Variants in SCNN1D observed in about 807,000 individuals in gnomAD.
SCNN1D encodes sodium channel epithelial 1 subunit delta, also known as epithelial sodium channel subunit delta.
Under a neutral mutation model 87.8 loss-of-function variants are expected in SCNN1D, and 104 were observed. That is an observed-to-expected ratio of 1.18 (90% CI 1.01 to 1.39). The LOEUF is 1.39. Ranked by LOEUF, SCNN1D falls within the 40% of genes most tolerant of loss-of-function variation. SCNN1D has a pLI of 0.00. For missense variants in SCNN1D, 1,324 were observed against 1,093.9 expected, an observed-to-expected ratio of 1.21 and a Z score of -2.97; for synonymous variants, 628 against 481.2, an observed-to-expected ratio of 1.31 and a Z score of -3.99.
chr1:1,290,398 G>A lies in SCNN1D; in HGVS notation c.1780+10G>A, dbSNP rs770263743. ...CGGCACCCTGCCTGGGGTGAGTCCT[G>A]CTCGCTGCCTCCCACTCTGTCAGCC... is the stretch of plus-strand genomic sequence containing the variant. On this transcript the variant is annotated intron_variant, in intron 13 of 17. Transcript: ENST00000379116. The A allele has an allele frequency of 4.0e-5, 64 of 1,606,912 alleles. No individual in the cohort carries two copies. Among genetic ancestry groups the A allele is most frequent in the Non-Finnish European group, 5.2e-5 (61 of 1,176,330 alleles).
At chr1:1,291,172 G>C (rs113223522) in intron 17 of SCNN1D, 32 bp downstream of exon 17, 3 of 1,603,868 alleles carry the variant, frequency 1.9e-6, no homozygotes, top group Non-Finnish European at 2.6e-6. Context: ...GGGCTAGAGC[G>C]GGGGCAGCGA....
At position 1,287,711 on chromosome 1, in the gene SCNN1D, C is replaced by T. The variant is rs1411669369; in HGVS notation, c.1438C>T (p.Leu480Phe). Residue 480 changes from leucine to phenylalanine, a missense_variant, in exon 11 of 18, where the codon CTC becomes TTC. Coordinates refer to ENST00000379116, the MANE Select transcript of SCNN1D (RefSeq NM_001130413.4). ...LVLRVEQQPHLPLLSTLAGIR... is the reference protein window; with the variant it reads ...LVLRVEQQPHFPLLSTLAGIR... ...CCTCAGGGTTGAGCAGCAGCCTCACCTCCCTCTGCTGTCCACGCTGGCCGG... is the reference window on the plus strand; with the variant it reads ...CCTCAGGGTTGAGCAGCAGCCTCACTTCCCTCTGCTGTCCACGCTGGCCGG... 22 of 1,610,252 alleles carry T rather than the reference C, an allele frequency of 1.4e-5. No individual in the cohort carries two copies. Among genetic ancestry groups the T allele is most frequent in the Non-Finnish European group, 1.8e-5 (21 of 1,178,872 alleles).
chr1:1,286,665 C>A, intron 7 of SCNN1D, 103 bp from the exon 8 acceptor site: 1 of 1,144,776 alleles, frequency 8.7e-7, no homozygotes, highest in Non-Finnish European at 1.3e-6. Context: ...ACTGGGCGTC[C>A]CGAGTAGGGG....
intron 5 of SCNN1D, among the ~76,000 whole-genome samples, chr1:1,284,395 C>T (rs12077700): frequency 0.052 from 7,757 of 150,542 alleles, 340 homozygotes; most frequent in African/African-American, 0.11. Context: ...CTTTCCGATG[C>T]CTGGCCCCGT....
rs754793861 is a variant in SCNN1D, at chr1:1,291,600, T to G, written c.2399T>G (p.Leu800Arg). The change falls in exon 18 of 18, where the codon CTG (leucine) becomes CGG (arginine). Residue 800 changes from leucine (L) to arginine (R), a missense_variant. By Grantham distance (102) the Leu-to-Arg change is moderately radical. Coordinates refer to ENST00000379116, the MANE Select transcript of SCNN1D (RefSeq NM_001130413.4). The part of the protein sequence containing the change: ...SWAGPQPLET[L>R]DT ...GCTGGGCCCCAGCCCCTTGAGACTC[T>G]GGACACCTGAACCAGACCTGCCAGG... 1.5e-5 allele frequency: 23 copies of G among 1,535,368 alleles called. No homozygotes were observed. The highest frequency in any genetic ancestry group is 1.9e-5 in the Non-Finnish European group (22 of 1,139,394).
At chr1:1,285,059 G>T (rs756783152) in intron 5 of SCNN1D, among the ~76,000 whole-genome samples, 3 of 152,214 alleles carry the variant, frequency 2.0e-5, no homozygotes, top group Admixed American at 6.5e-5. Flanking sequence ...CCTTGGGGAC[G>T]CAGGGTGAGC....
At chr1:1,291,222 G>T in intron 17 of SCNN1D, 32 bp from the exon 18 acceptor site, 1 of 1,569,080 alleles carries the variant, frequency 6.4e-7, no homozygotes, top group East Asian at 2.3e-5. Flanking sequence ...GGGGGCCTGG[G>T]CCCGCCCCTC....
chr1:1,280,728 C>G, intron 1 of SCNN1D, 62 bp downstream of exon 1: 1 of 697,324 alleles, frequency 1.4e-6, no homozygotes, highest in Non-Finnish European at 2.6e-6. Context: ...TTGGAATGCC[C>G]ATGGCTAAGA....
chr1:1,287,974 C>A lies in SCNN1D; in HGVS notation c.1599C>A (p.His533Gln). The A allele has an allele frequency of 6.5e-7, 1 of 1,547,220 alleles. No individual in the cohort carries two copies. The highest frequency in any genetic ancestry group is 8.7e-7 in the Non-Finnish European group (1 of 1,145,482). Residue 533 changes from histidine to glutamine, a missense_variant, in exon 12 of 18, where the codon CAC (histidine) becomes CAA (glutamine). By Grantham distance (24) the His-to-Gln change is conservative (BLOSUM62 0). Transcript: ENST00000379116. ...EVHRLGSPYG[H>Q]CTAGGEGVEV... ...ACCGGCTCGGGAGCCCCTACGGCCA[C>A]TGCACCGCCGGCGGGGAAGGCGTGG... is the stretch of plus-strand genomic sequence containing the variant.
Position 1,285,663 on chromosome 1 carries a change from A to G in SCNN1D, c.557A>G (p.Gln186Arg). 1 of 1,538,504 alleles carries G rather than the reference A, an allele frequency of 6.5e-7. No homozygotes were observed. Among genetic ancestry groups the G allele is most frequent in the Non-Finnish European group, 8.8e-7 (1 of 1,140,800 alleles). Residue 186 changes from glutamine to arginine, a missense_variant and splice_region_variant, in exon 6 of 18, where the codon CAG becomes CGG. Physicochemically the swap from Gln to Arg is conservative, Grantham distance 43. Coordinates refer to ENST00000379116, the MANE Select transcript of SCNN1D (RefSeq NM_001130413.4). ...TQHNAACKQG[Q>R]AAAQTPPRPG... ...CACAACGCTGCCTGCAAACAGGGCC[A>G]GGTAGGGCCTGAGCACCCTGTTCTC...
chr1:1,285,184 C>G (rs750150478), intron 5 of SCNN1D, among the ~76,000 whole-genome samples: 4 of 152,248 alleles, frequency 2.6e-5, no homozygotes, highest in Admixed American at 2.0e-4. Flanking sequence ...AAGCTTCTGG[C>G]TCGCTCTAGC....
In SCNN1D at chr1:1,287,983, C is replaced by A. The variant is rs368294602; in HGVS notation, c.1608C>A (p.Ala536=). 28 of 1,547,456 alleles carry A rather than the reference C, an allele frequency of 1.8e-5. No individual in the cohort carries two copies. The highest frequency in any genetic ancestry group is 8.2e-5 in the African/African-American group (6 of 72,990). ...GGAGCCCCTACGGCCACTGCACCGC[C>A]GGCGGGGAAGGCGTGGAGGTGGAGC... ...RLGSPYGHCT[A]GGEGVEVELL... Residue 536 remains alanine, a synonymous_variant, in exon 12 of 18, where the codon GCC becomes GCA. Transcript: ENST00000379116.
intron 1 of SCNN1D, 148 bp downstream of exon 1, chr1:1,280,814 A>G (rs1443525063): frequency 6.4e-6 from 4 of 626,256 alleles, no homozygotes; most frequent in Non-Finnish European, 1.2e-5. Flanking sequence ...GGCAGCCCAC[A>G]CGCACCTTAC....
At position 1,286,772 on chromosome 1, in the gene SCNN1D, A is replaced by C. The variant is rs1640600621; in HGVS notation, c.916A>C (p.Ser306Arg). 6.2e-7 allele frequency: 1 copy of C among 1,612,332 alleles called. No individual in the cohort carries two copies. The highest frequency in any genetic ancestry group is 1.1e-5 in the South Asian group (1 of 91,072). The change falls in exon 8 of 18, where the codon AGT becomes CGT. Residue 306 changes from serine to arginine, a missense_variant. By Grantham distance (110) the Ser-to-Arg change is moderately radical. Coordinates refer to ENST00000379116, the MANE Select transcript of SCNN1D (RefSeq NM_001130413.4). ...TLCDGNPRRP[S>R]PVLRHLELLD... is the part of the protein sequence containing the mutation. ...CTCCAGGGCCCTGCGTCCCAGGCCGAGTCCGGTCCTCCGCCATCTGGAGCT... is the reference window on the plus strand; with the variant it reads ...CTCCAGGGCCCTGCGTCCCAGGCCGCGTCCGGTCCTCCGCCATCTGGAGCT...
rs1570607736 is a variant in SCNN1D, at chr1:1,287,994, G to T, written c.1619G>T (p.Gly540Val). 1.9e-6 allele frequency: 3 copies of T among 1,546,320 alleles called. No homozygotes were observed. Among genetic ancestry groups the T allele is most frequent in the Non-Finnish European group, 2.6e-6 (3 of 1,145,468 alleles). The change falls in exon 12 of 18, where the codon GGC becomes GTC. Residue 540 changes from glycine to valine, a missense_variant. Coordinates refer to ENST00000379116, the MANE Select transcript of SCNN1D (RefSeq NM_001130413.4). ...PYGHCTAGGEGVEVELLHNTS... is the reference protein window; with the variant it reads ...PYGHCTAGGEVVEVELLHNTS... ...GGCCACTGCACCGCCGGCGGGGAAG[G>T]CGTGGAGGTGGAGCTGCTACACAAC...
chr1:1,287,405 G>C, intron 9 of SCNN1D, 103 bp from the exon 10 acceptor site: 2 of 1,486,284 alleles, frequency 1.3e-6, no homozygotes, highest in Non-Finnish European at 1.8e-6. Context: ...AAGGCTGGCC[G>C]GAGGAACTTT....
intron 5 of SCNN1D, among the ~76,000 whole-genome samples, chr1:1,284,464 C>T (rs1406817981): frequency 6.6e-6 from 1 of 151,664 alleles, no homozygotes; most frequent in East Asian, 2.0e-4. Context: ...TGAGTGCCTC[C>T]TTATCCTGAA....
intron 4 of SCNN1D, 98 bp from the exon 5 acceptor site, chr1:1,283,880 G>A (rs2100313817): frequency 1.7e-6 from 1 of 572,514 alleles, no homozygotes. Flanking sequence ...TGTCCCCCAG[G>A]AATTCCCCTT....
At chr1:1,288,343 C>T (rs533920286) in intron 12 of SCNN1D, among the ~76,000 whole-genome samples, 4 of 67,330 alleles carry the variant, frequency 5.9e-5, no homozygotes, top group Non-Finnish European at 9.1e-5. Context: ...GTCTCTGCCC[C>T]GTCCCCCGTG....
Sources: allele counts gnomAD v4.1 joint callset (sites outside exome capture counted in the v4.1 genomes callset), GRCh38; gene constraint gnomAD v4.1.1; transcripts MANE v1.5; gene names NCBI Gene and HGNC (gene_info 2026-07-23, HGNC 2026-07-21).